PTPRN2: variants seen among roughly 807,000 people sequenced by gnomAD.
PTPRN2 encodes receptor-type tyrosine-protein phosphatase N2.
Under a neutral mutation model 118.8 loss-of-function variants are expected in PTPRN2, and 74 were observed. The observed-to-expected ratio is 0.62, with a 90% CI of 0.52 to 0.76. The LOEUF (loss-of-function observed/expected upper bound fraction) is 0.76, where lower values mean the gene tolerates loss of function less well. Among genes scored for constraint, PTPRN2 ranks in the 30% least tolerant of loss-of-function variants. The probability of loss-of-function intolerance (pLI) is 0.00; values close to 1 mark genes in which losing one functional copy is unlikely to be tolerated. For missense variants in PTPRN2, 1,481 were observed against 1,394.4 expected (o/e 1.06, Z -0.99); for synonymous variants, 641 against 608.0 (o/e 1.05, Z -0.80).
chr7:157,954,750 G>A (rs957262137), intron 11 of PTPRN2, among the ~76,000 whole-genome samples: 1 of 152,182 alleles, frequency 6.6e-6, no homozygotes, highest in Non-Finnish European at 1.5e-5. Flanking sequence ...AAGTGGGGGT[G>A]GCCTCTCCCA....
At position 157,539,332 on chromosome 7, in the gene PTPRN2, G is replaced by A. The variant is rs1450053701; in HGVS notation, c.*1382C>T. On this transcript the variant is annotated 3_prime_UTR_variant, in exon 23 of 23. Coordinates refer to ENST00000389418, the MANE Select transcript of PTPRN2 (RefSeq NM_002847.5). ...CCGCTCAGTAGGCCGTGTTCCCTCT[G>A]GTAGGGCCTTTGGAGAGTACCATCT... 6.6e-6 allele frequency: 1 copy of A among 152,172 alleles called. No homozygotes were observed. Among genetic ancestry groups the A allele is most frequent in the Non-Finnish European group, 1.5e-5 (1 of 68,040 alleles). The allele number at this position is 152,172 out of a possible 1,614,324, so 9.4% of individuals were successfully genotyped here. A position where few individuals can be genotyped will look rare whatever the true frequency, so the allele number is the denominator to read the frequency against.
At chr7:158,332,968 T>G (rs1586315647) in intron 2 of PTPRN2, among the ~76,000 whole-genome samples, 1 of 142,340 alleles carries the variant, frequency 7.0e-6, no homozygotes, top group South Asian at 2.2e-4. Flanking sequence ...AGTCTCACCA[T>G]AAGAGGTGAC....
chr7:158,304,969 T>C (rs1801175623), intron 3 of PTPRN2, among the ~76,000 whole-genome samples: 1 of 152,180 alleles, frequency 6.6e-6, no homozygotes, highest in South Asian at 2.1e-4. Context: ...GAAATATATT[T>C]TGGGGTAAAA....
At chr7:158,322,669 TG>T (rs1803136253) in intron 2 of PTPRN2, among the ~76,000 whole-genome samples, 1 of 130,730 alleles carries the variant, frequency 7.6e-6, no homozygotes. Flanking sequence ...CTTGCAGTTC[TG>T]GATCAGGCAG....
intron 2 of PTPRN2, among the ~76,000 whole-genome samples, chr7:158,333,844 G>A (rs560677805): frequency 0.016 from 1,990 of 127,524 alleles, 40 homozygotes; most frequent in African/African-American, 0.057. Flanking sequence ...TCTCACCATA[G>A]AGCTGACACC....
chr7:157,744,640 T>C (rs1800816316), intron 12 of PTPRN2, among the ~76,000 whole-genome samples: 1 of 151,886 alleles, frequency 6.6e-6, no homozygotes, highest in Non-Finnish European at 1.5e-5. Context: ...GTAGTAAGAG[T>C]CTGCTGTTTT....
intron 14 of PTPRN2, among the ~76,000 whole-genome samples, chr7:157,625,208 G>A (rs1803492367): frequency 6.6e-6 from 1 of 152,210 alleles, no homozygotes; most frequent in South Asian, 2.1e-4. Flanking sequence ...AATACCATAT[G>A]ATCCGGCAAT....
At chr7:157,563,260 T>G (rs377324031) in intron 21 of PTPRN2, among the ~76,000 whole-genome samples, 2 of 119,924 alleles carry the variant, frequency 1.7e-5, no homozygotes, top group African/African-American at 6.6e-5. Context: ...ACACAGCAGA[T>G]CAGGACCACG....
rs2150615706 is a variant in PTPRN2, at chr7:157,615,111, G to T, written c.2344+6251C>A. Among the ~76,000 whole-genome samples, 1 of 152,356 alleles carries T rather than the reference G, an allele frequency of 6.6e-6. No individual in the cohort carries two copies. The highest frequency in any genetic ancestry group is 2.1e-4 in the South Asian group (1 of 4,830). On this transcript the variant is annotated intron_variant, in intron 15 of 22. Coordinates refer to ENST00000389418, the MANE Select transcript of PTPRN2 (RefSeq NM_002847.5). The surrounding 1 kb of genome is among the most constrained non-coding windows in gnomAD (Gnocchi z 4.3). ...GAAGTCGTCCAGCCAGAAAATAAAT[G>T]AAGTGCTCGCAGGTCACGCTAATAC...
chr7:158,127,228 C>G (rs959802958), intron 9 of PTPRN2, among the ~76,000 whole-genome samples: 4 of 152,202 alleles, frequency 2.6e-5, no homozygotes, highest in African/African-American at 9.6e-5. Context: ...CCTCCTCTTT[C>G]AAGCAACACT....
rs541809796 is a variant in PTPRN2, at chr7:157,763,602, G to A, written c.1789-80665C>T. 2.0e-5 allele frequency among the ~76,000 whole-genome samples: 3 copies of A among 152,158 alleles called. No individual in the cohort carries two copies. The highest frequency in any genetic ancestry group is 2.1e-4 in the South Asian group (1 of 4,826). ...CCCCCTGGCCATGGGGGAAGGCCAC[G>A]CCCCTAACCTGACTGCAGATTAAAT... On this transcript the variant is annotated intron_variant, in intron 12 of 22. Coordinates refer to ENST00000389418, the MANE Select transcript of PTPRN2 (RefSeq NM_002847.5). The surrounding 1 kb of genome is among the most constrained non-coding windows in gnomAD (Gnocchi z 4.9).
chr7:158,053,257 A>G (rs1809472570), intron 11 of PTPRN2, among the ~76,000 whole-genome samples: 1 of 152,218 alleles, frequency 6.6e-6, no homozygotes, highest in African/African-American at 2.4e-5. Flanking sequence ...CGCTTTAAAA[A>G]TGACTGACAC....
rs144277675 is a variant in PTPRN2, at chr7:158,246,413, A to C, written c.278-41140T>G. Among the ~76,000 whole-genome samples the C allele has an allele frequency of 6.3e-4, 96 of 151,414 alleles. No homozygotes were observed. In the East Asian group the frequency reaches 8.1e-3, roughly 13 times the overall value. On this transcript the variant is annotated intron_variant, in intron 3 of 22. Transcript: ENST00000389418. ...ACGCGTCTCTCTACCAAGAAGGAAG[A>C]AGACGGCTCTCACTGCCCCCAGCTC...
rs546644131 is a variant in PTPRN2, at chr7:158,441,046, T to C, written c.163+48689A>G. 5.5e-3 allele frequency among the ~76,000 whole-genome samples: 757 copies of C among 136,858 alleles called. 46 individuals carry two copies. The highest frequency in any genetic ancestry group is 0.02 in the African/African-American group (718 of 35,158). 89.8% of individuals were successfully genotyped at this position (136,858 alleles called of 152,430 possible). The stretch of plus-strand genomic sequence containing the variant: ...GTGGTGGTGACAGTGGTAGTAGTGA[T>C]GGTGGTAGTGATGGGGGTGGTAGTG... On this transcript the variant is annotated intron_variant, in intron 2 of 22. Coordinates refer to ENST00000389418, the MANE Select transcript of PTPRN2 (RefSeq NM_002847.5).
chr7:158,365,113 A>C (rs1378504144), intron 2 of PTPRN2, among the ~76,000 whole-genome samples: 3 of 152,220 alleles, frequency 2.0e-5, no homozygotes, highest in Non-Finnish European at 4.4e-5. Flanking sequence ...TTCACTCTTC[A>C]GACACAATCT....
chr7:157,842,105 C>G (rs1039681862), intron 12 of PTPRN2, among the ~76,000 whole-genome samples: 1 of 152,180 alleles, frequency 6.6e-6, no homozygotes, highest in Non-Finnish European at 1.5e-5. Flanking sequence ...AACCATGCAT[C>G]CATTTTAAAT....
chr7:157,855,004 G>T (rs1219552926), intron 12 of PTPRN2: 1 of 170,546 alleles, frequency 5.9e-6, no homozygotes, highest in Non-Finnish European at 1.3e-5. Flanking sequence ...CATTGCAGGG[G>T]TGTGTGTGGG....
chr7:157,603,878 G>A lies in PTPRN2; in HGVS notation c.2418+124C>T, dbSNP rs1397491676. Reference sequence around the variant, plus strand: ...GAGCCCAATGGGCAGAGTCGGCCCTGTCCACCGCAGAGACGCTGAGCTGGG... The same window carrying A: ...GAGCCCAATGGGCAGAGTCGGCCCTATCCACCGCAGAGACGCTGAGCTGGG... On this transcript the variant is annotated intron_variant, in intron 16 of 22. Coordinates refer to ENST00000389418, the MANE Select transcript of PTPRN2 (RefSeq NM_002847.5). The surrounding 1 kb of genome is among the most constrained non-coding windows in gnomAD (Gnocchi z 5.4). The A allele has an allele frequency of 5.6e-6, 5 of 899,140 alleles. No homozygotes were observed. In the African/African-American group the frequency reaches 8.3e-5, roughly 15 times the overall value. 55.7% of individuals were successfully genotyped at this position (899,140 alleles called of 1,614,324 possible). A position where few individuals can be genotyped will look rare whatever the true frequency, so the allele number is the denominator to read the frequency against.
At chr7:157,973,999 A>T (rs188106382) in intron 11 of PTPRN2, among the ~76,000 whole-genome samples, 1 of 152,162 alleles carries the variant, frequency 6.6e-6, no homozygotes, top group East Asian at 1.9e-4. Context: ...AGTGAATGCC[A>T]AATGATACAT....
Sources: gnomAD v4.1 joint callset for allele counts (sites outside exome capture counted in the v4.1 genomes callset) on GRCh38, gnomAD v4.1.1 for gene constraint, Gnocchi (gnomAD v3.1) non-coding constraint, MANE v1.5 for transcripts, NCBI Gene and HGNC (gene_info 2026-07-23, HGNC 2026-07-21) for gene names.